Variants in SKAP2 observed in about 807,000 individuals in gnomAD.
SKAP2 encodes src kinase associated phosphoprotein 2, also known as src kinase-associated phosphoprotein 2.
SKAP2 carries 28 observed loss-of-function variants against 54.9 expected under a neutral mutation model. The ratio of observed to expected loss-of-function variants is 0.51; its 90% confidence interval spans 0.38 to 0.70. The LOEUF is 0.70. Among genes scored for constraint, SKAP2 ranks in the 30% least tolerant of loss-of-function variants. The pLI, the probability that SKAP2 is intolerant of heterozygous loss-of-function variation, is 0.00. For synonymous variants in SKAP2, 137 were observed against 134.3 expected, an observed-to-expected ratio of 1.02 and a Z score of -0.14; for missense variants, 356 against 424.1, an observed-to-expected ratio of 0.84 and a Z score of 1.41.
intron 4 of SKAP2, among the ~76,000 whole-genome samples, chr7:26,786,022 C>T (rs1404664504): frequency 6.6e-6 from 1 of 152,066 alleles, no homozygotes; most frequent in Non-Finnish European, 1.5e-5. Flanking sequence ...GAGTTGGGCA[C>T]CTCCCCTTCA....
chr7:26,700,236 A>G (rs1269103798), intron 9 of SKAP2, among the ~76,000 whole-genome samples: 2 of 152,118 alleles, frequency 1.3e-5, no homozygotes, highest in African/African-American at 4.8e-5. Flanking sequence ...ATTTCATGAG[A>G]ATCCTGACCA....
chr7:26,729,022 T>C (rs566365377), intron 6 of SKAP2, among the ~76,000 whole-genome samples: 2 of 152,282 alleles, frequency 1.3e-5, no homozygotes, highest in South Asian at 2.1e-4. Flanking sequence ...ATCAGCACTA[T>C]AAAGATTTAG....
chr7:26,862,034 T>C (rs1785281491), intron 1 of SKAP2, among the ~76,000 whole-genome samples: 1 of 151,984 alleles, frequency 6.6e-6, no homozygotes. Flanking sequence ...TACAACACCA[T>C]TACCAATATC....
chr7:26,788,067 C>A (rs1189842156), intron 4 of SKAP2, among the ~76,000 whole-genome samples: 1 of 152,138 alleles, frequency 6.6e-6, no homozygotes, highest in Non-Finnish European at 1.5e-5. Flanking sequence ...CCACAACCCA[C>A]AAATTTGTTA....
chr7:26,819,560 AAAGTATACTT>A (rs143170834), intron 4 of SKAP2, among the ~76,000 whole-genome samples: 31,661 of 151,342 alleles, frequency 0.21, 3,339 homozygotes, highest in Non-Finnish European at 0.23. Context: ...CCCAGAACTT[AAAGTATACTT>A]AAAAAAAAAA....
chr7:26,705,582 T>C (rs919880904), intron 9 of SKAP2, among the ~76,000 whole-genome samples: 1 of 152,192 alleles, frequency 6.6e-6, no homozygotes, highest in Non-Finnish European at 1.5e-5. Flanking sequence ...CAGGCGGTTT[T>C]ATTATAAACA....
chr7:26,678,034 C>T (rs1479406373), intron 11 of SKAP2, among the ~76,000 whole-genome samples: 3 of 152,282 alleles, frequency 2.0e-5, no homozygotes, highest in Non-Finnish European at 4.4e-5. Context: ...AGGGTCAGAC[C>T]TGTATTGATA....
intron 9 of SKAP2, among the ~76,000 whole-genome samples, chr7:26,710,241 A>C (rs1787272252): frequency 6.6e-6 from 1 of 152,234 alleles, no homozygotes; most frequent in South Asian, 2.1e-4. Context: ...GAGTTTGCAA[A>C]TATAATAAAG....
intron 4 of SKAP2, among the ~76,000 whole-genome samples, chr7:26,784,077 C>T (rs1445030233): frequency 6.6e-6 from 1 of 151,762 alleles, no homozygotes; most frequent in African/African-American, 2.4e-5. Context: ...CACCCCACTA[C>T]CCCCATCTCC....
intron 4 of SKAP2, among the ~76,000 whole-genome samples, chr7:26,794,489 G>C (rs1783730617): frequency 6.6e-6 from 1 of 152,224 alleles, no homozygotes; most frequent in African/African-American, 2.4e-5. Flanking sequence ...GTTTTGGGTT[G>C]GATAAAAGTT....
intron 4 of SKAP2, among the ~76,000 whole-genome samples, chr7:26,778,395 T>G (rs906548349): frequency 2.6e-5 from 4 of 152,114 alleles, no homozygotes; most frequent in Admixed American, 6.5e-5. Context: ...GACAGTGTTC[T>G]AGGCCCTTCT....
chr7:26,844,153 A>C lies in SKAP2; in HGVS notation c.200-16T>G. ...TCTGCATCACCTGTTAAAAAAAAAA[A>C]AAATCAGAGAACTGCCTTTTATACT... On this transcript the variant is annotated splice_polypyrimidine_tract_variant and intron_variant, in intron 3 of 12. Coordinates refer to ENST00000345317, the MANE Select transcript of SKAP2 (RefSeq NM_003930.5). 1 of 1,484,366 alleles carries C rather than the reference A, an allele frequency of 6.7e-7. No individual in the cohort carries two copies. Among genetic ancestry groups the C allele is most frequent in the Non-Finnish European group, 9.4e-7 (1 of 1,066,594 alleles). 91.9% of individuals were successfully genotyped at this position (1,484,366 alleles called of 1,614,324 possible).
intron 5 of SKAP2, among the ~76,000 whole-genome samples, chr7:26,739,636 G>A (rs1782386600): frequency 6.6e-6 from 1 of 152,158 alleles, no homozygotes; most frequent in African/African-American, 2.4e-5. Context: ...TGAGAGGCAG[G>A]AAACAGCTCC....
At chr7:26,689,543 G>A (rs1015404187) in intron 10 of SKAP2, among the ~76,000 whole-genome samples, 2 of 152,152 alleles carry the variant, frequency 1.3e-5, no homozygotes, top group Non-Finnish European at 2.9e-5. Context: ...TGTGCCAAGT[G>A]GAAATGGATA....
At chr7:26,859,331 G>T (rs1277949523) in intron 1 of SKAP2, among the ~76,000 whole-genome samples, 1 of 150,184 alleles carries the variant, frequency 6.7e-6, no homozygotes, top group Non-Finnish European at 1.5e-5. Flanking sequence ...GACCAAACAG[G>T]TACTGATAAA....
At chr7:26,717,404 G>C (rs1294220765) in intron 9 of SKAP2, among the ~76,000 whole-genome samples, 1 of 149,564 alleles carries the variant, frequency 6.7e-6, no homozygotes, top group Admixed American at 6.7e-5. Flanking sequence ...CAGCTACTTA[G>C]GAGGCTGAGG....
intron 4 of SKAP2, among the ~76,000 whole-genome samples, chr7:26,830,712 T>C (rs1784578737): frequency 6.6e-6 from 1 of 152,170 alleles, no homozygotes; most frequent in Non-Finnish European, 1.5e-5. Flanking sequence ...ATCTATAGCA[T>C]ACTTAATTTT....
chr7:26,731,374 A>G (rs999914852), intron 6 of SKAP2, among the ~76,000 whole-genome samples: 10 of 152,150 alleles, frequency 6.6e-5, no homozygotes, highest in Admixed American at 5.2e-4. Flanking sequence ...TCGTCCTACA[A>G]CTTAGGTCAA....
Position 26,670,123 on chromosome 7 carries a change from T to G in SKAP2, c.1057A>C (p.Ile353Leu), listed in dbSNP as rs762169255. 1.3e-5 allele frequency: 20 copies of G among 1,538,394 alleles called. No individual in the cohort carries two copies. The highest frequency in any genetic ancestry group is 1.8e-5 in the Non-Finnish European group (20 of 1,111,018). Residue 353 changes from isoleucine (I) to leucine (L), a missense_variant, in exon 12 of 13, where the codon ATA (isoleucine) becomes CTA (leucine). Transcript: ENST00000345317. ...GAIGLVPKAY[I>L]MEMYDI Reference sequence around the variant, plus strand: ...TCTCAAATATCATACATCTCCATTATGTAGGCTTTAGGCACCAAGCCAATG... The same window carrying G: ...TCTCAAATATCATACATCTCCATTAGGTAGGCTTTAGGCACCAAGCCAATG...
Sources: gnomAD v4.1 joint callset for allele counts (sites outside exome capture counted in the v4.1 genomes callset) on GRCh38, gnomAD v4.1.1 for gene constraint, MANE v1.5 for transcripts, NCBI Gene and HGNC (gene_info 2026-07-23, HGNC 2026-07-21) for gene names.